The following CCDC171 variants were observed in gnomAD, a reference collection of about 807,000 sequenced individuals.
CCDC171 encodes coiled-coil domain-containing protein 171.
In CCDC171, 177 loss-of-function variants were observed where a neutral mutation model predicts 168.2. That is an observed-to-expected ratio of 1.05 (90% CI 0.93 to 1.19). CCDC171 has a LOEUF of 1.19. Ranked by LOEUF, CCDC171 falls within the 50% of genes most tolerant of loss-of-function variation. The probability of loss-of-function intolerance (pLI) is 0.00; values close to 1 mark genes in which losing one functional copy is unlikely to be tolerated. For synonymous variants in CCDC171, 687 were observed against 540.8 expected, an observed-to-expected ratio of 1.27 and a Z score of -3.75; for missense variants, 1,991 against 1,539.0, an observed-to-expected ratio of 1.29 and a Z score of -4.91.
chr9:16,012,628 C>A (rs983481873), intron 3 of CCDC171, among the ~76,000 whole-genome samples: 2 of 150,552 alleles, frequency 1.3e-5, no homozygotes, highest in Non-Finnish European at 2.9e-5. Context: ...ATAATGGCAG[C>A]ATGCTCTCCT....
chr9:16,035,793 T>A (rs373799619), intron 7 of CCDC171, among the ~76,000 whole-genome samples: 3 of 152,348 alleles, frequency 2.0e-5, no homozygotes, highest in East Asian at 3.9e-4. Context: ...TTATTCAATA[T>A]CCACTATGTC....
chr9:15,818,910 A>C lies in CCDC171; in HGVS notation c.3268-27792A>C, dbSNP rs577890809. On this transcript the variant is annotated intron_variant, in intron 21 of 25. Coordinates refer to ENST00000380701, the MANE Select transcript of CCDC171 (RefSeq NM_173550.4). ...TAATTGTCAGATTCCCCAAAGTTGA[A>C]ATGAAGGAAAAAATGTTAAGGGCAG... Among the ~76,000 whole-genome samples the C allele has an allele frequency of 2.6e-5, 3 of 117,478 alleles. 1 individual carries two copies. In the South Asian group the frequency reaches 8.3e-4, roughly 33 times the overall value. The allele number at this position is 117,478 out of a possible 152,430, so 77.1% of individuals were successfully genotyped here.
intron 3 of CCDC171, among the ~76,000 whole-genome samples, chr9:15,572,234 A>G (rs1278574985): frequency 1.3e-5 from 2 of 152,172 alleles, no homozygotes; most frequent in Admixed American, 6.6e-5. Context: ...ATGTATATGC[A>G]TATAGTCCAA....
intron 9 of CCDC171, among the ~76,000 whole-genome samples, chr9:15,676,654 G>A (rs1371727997): frequency 6.6e-6 from 1 of 151,934 alleles, no homozygotes; most frequent in Admixed American, 6.6e-5. Context: ...ATAATCTTGT[G>A]CCTTATTCTT....
At chr9:15,997,663 T>C (rs1832415172) in intron 3 of CCDC171, among the ~76,000 whole-genome samples, 1 of 152,158 alleles carries the variant, frequency 6.6e-6, no homozygotes, top group African/African-American at 2.4e-5. Flanking sequence ...CCACTATCCA[T>C]TTAAAATTCC....
chr9:15,669,848 G>T (rs1167322148), intron 9 of CCDC171, among the ~76,000 whole-genome samples: 3 of 149,456 alleles, frequency 2.0e-5, no homozygotes, highest in Non-Finnish European at 4.4e-5. Flanking sequence ...CAACGGTATT[G>T]TAACTTAGTA....
At chr9:15,592,927 G>A (rs2042095271) in intron 5 of CCDC171, among the ~76,000 whole-genome samples, 1 of 151,776 alleles carries the variant, frequency 6.6e-6, no homozygotes, top group East Asian at 1.9e-4. Context: ...CAATGTGCAG[G>A]TTAGTTACAT....
intron 7 of CCDC171, among the ~76,000 whole-genome samples, chr9:15,646,493 T>G (rs2047049138): frequency 1.3e-5 from 2 of 152,176 alleles, no homozygotes; most frequent in African/African-American, 4.8e-5. Context: ...CAGTGTGCTG[T>G]ATTCAGGAGA....
chr9:15,915,755 A>G (rs537569323), intron 24 of CCDC171, among the ~76,000 whole-genome samples: 2 of 152,178 alleles, frequency 1.3e-5, no homozygotes, highest in African/African-American at 2.4e-5. Flanking sequence ...GGTTTGTCAT[A>G]TAGGCCCTTT....
chr9:15,961,166 CTCT>C (rs773897105), intron 25 of CCDC171, among the ~76,000 whole-genome samples: 10 of 152,160 alleles, frequency 6.6e-5, no homozygotes, highest in Non-Finnish European at 1.0e-4. Context: ...CCTTCCTCTG[CTCT>C]TCTTTACCTG....
At chr9:15,828,936 C>G (rs1430358774) in intron 21 of CCDC171, among the ~76,000 whole-genome samples, 2 of 152,102 alleles carry the variant, frequency 1.3e-5, no homozygotes, top group African/African-American at 4.8e-5. Context: ...ATTTGGAAGA[C>G]TGGGAACTGT....
intron 7 of CCDC171, among the ~76,000 whole-genome samples, chr9:15,639,675 C>G (rs1305173907): frequency 6.6e-6 from 1 of 152,094 alleles, no homozygotes; most frequent in African/African-American, 2.4e-5. Flanking sequence ...TGTTACCATC[C>G]TCAGTGACTT....
intron 21 of CCDC171, among the ~76,000 whole-genome samples, chr9:15,790,018 T>G (rs1422776569): frequency 6.6e-6 from 1 of 152,168 alleles, no homozygotes; most frequent in Non-Finnish European, 1.5e-5. Context: ...ACATTTGGGT[T>G]GGTTCGAAGT....
At chr9:15,992,903 C>T (rs984681225) in intron 3 of CCDC171, among the ~76,000 whole-genome samples, 4 of 152,110 alleles carry the variant, frequency 2.6e-5, no homozygotes, top group African/African-American at 9.7e-5. Flanking sequence ...TGAAGGACCT[C>T]TTCATGGAGA....
chr9:16,036,488 C>T (rs980299267), intron 8 of CCDC171, among the ~76,000 whole-genome samples: 1 of 152,106 alleles, frequency 6.6e-6, no homozygotes, highest in Non-Finnish European at 1.5e-5. Flanking sequence ...CCTAAAAATA[C>T]AAAAAATTAG....
chr9:15,759,967 T>G (rs1422527641), intron 18 of CCDC171, among the ~76,000 whole-genome samples: 6 of 152,194 alleles, frequency 3.9e-5, no homozygotes, highest in Non-Finnish European at 8.8e-5. Context: ...TGAATCATGT[T>G]AAATTATGAG....
intron 6 of CCDC171, among the ~76,000 whole-genome samples, chr9:15,610,065 T>G (rs1278305055): frequency 6.6e-6 from 1 of 152,152 alleles, no homozygotes; most frequent in Non-Finnish European, 1.5e-5. Context: ...GTTTTTAATT[T>G]CTAAGCTCAT....
At chr9:15,561,576 C>G (rs1389507272) in intron 1 of CCDC171, among the ~76,000 whole-genome samples, 1 of 152,110 alleles carries the variant, frequency 6.6e-6, no homozygotes, top group Non-Finnish European at 1.5e-5. Context: ...TCATTACTAT[C>G]CTGTAACTCT....
chr9:15,559,418 G>A (rs1298207176), intron 1 of CCDC171, among the ~76,000 whole-genome samples: 1 of 152,102 alleles, frequency 6.6e-6, no homozygotes, highest in Non-Finnish European at 1.5e-5. Context: ...GGCTGCTCCC[G>A]TATTGGGTGC....
Sources: gnomAD v4.1 joint callset for allele counts (sites outside exome capture counted in the v4.1 genomes callset) on GRCh38, gnomAD v4.1.1 for gene constraint, MANE v1.5 for transcripts, NCBI Gene and HGNC (gene_info 2026-07-23, HGNC 2026-07-21) for gene names.